The following DNAJC1 variants were observed in gnomAD, a reference collection of about 807,000 sequenced individuals.
DNAJC1 encodes dnaJ homolog subfamily C member 1.
A neutral mutation model predicts 76.6 loss-of-function variants in DNAJC1; 58 were observed. The observed-to-expected ratio is 0.76, with a 90% CI of 0.61 to 0.94. The LOEUF is 0.94. Ranked by LOEUF, DNAJC1 falls within the 40% of genes least tolerant of loss-of-function variation. The pLI is 0.00. For missense variants in DNAJC1, 689 were observed against 677.3 expected (o/e 1.02, Z -0.19); for synonymous variants, 258 against 267.9 (o/e 0.96, Z 0.36).
chr10:21,766,764 A>G (rs2131619064), intron 9 of DNAJC1, among the ~76,000 whole-genome samples: 1 of 152,238 alleles, frequency 6.6e-6, no homozygotes, highest in Non-Finnish European at 1.5e-5. Context: ...TGAGGTCAGG[A>G]GTTCAAGACC....
chr10:21,866,658 A>T (rs1836006495), intron 8 of DNAJC1, among the ~76,000 whole-genome samples: 1 of 152,152 alleles, frequency 6.6e-6, no homozygotes, highest in Non-Finnish European at 1.5e-5. Flanking sequence ...TAATCAAAGG[A>T]TTTAAAAACA....
chr10:21,873,856 T>C (rs900353352), intron 8 of DNAJC1, among the ~76,000 whole-genome samples: 2 of 152,186 alleles, frequency 1.3e-5, no homozygotes, highest in Admixed American at 1.3e-4. Context: ...CAATAATAAA[T>C]AATAAGAACA....
At chr10:21,850,483 C>T (rs188880858) in intron 8 of DNAJC1, among the ~76,000 whole-genome samples, 12 of 150,832 alleles carry the variant, frequency 8.0e-5, no homozygotes, top group African/African-American at 1.9e-4. Flanking sequence ...ATAAATGGAA[C>T]GACATCCCAT....
At chr10:21,779,885 T>TAC (rs1834504937) in intron 9 of DNAJC1, among the ~76,000 whole-genome samples, 1 of 152,130 alleles carries the variant, frequency 6.6e-6, no homozygotes, top group East Asian at 1.9e-4. Context: ...ATAACCAGTG[T>TAC]AGAGAAGACC....
Position 21,802,051 on chromosome 10 carries a change from A to G in DNAJC1, c.1098+3929T>C, listed in dbSNP as rs545595222. On this transcript the variant is annotated intron_variant, in intron 9 of 11. Coordinates refer to ENST00000376980, the MANE Select transcript of DNAJC1 (RefSeq NM_022365.4). ...GGGTAGTAGGCTTAATACCTGGGTG[A>G]TGAAATAATCTGTACAACCAGCCCC... 5.9e-5 allele frequency among the ~76,000 whole-genome samples: 9 copies of G among 152,294 alleles called. 1 individual carries two copies. The highest frequency in any genetic ancestry group is 2.2e-4 in the African/African-American group (9 of 41,586).
intron 8 of DNAJC1, among the ~76,000 whole-genome samples, chr10:21,867,031 C>T (rs559591212): frequency 6.6e-6 from 1 of 152,196 alleles, no homozygotes; most frequent in South Asian, 2.1e-4. Flanking sequence ...CCTAGAGGGA[C>T]ATTTATAGCC....
chr10:21,799,494 G>A (rs1205476141), intron 9 of DNAJC1, among the ~76,000 whole-genome samples: 1 of 152,074 alleles, frequency 6.6e-6, no homozygotes, highest in Non-Finnish European at 1.5e-5. Flanking sequence ...TAAAGATGAA[G>A]GTTTCCCTAT....
At chr10:21,813,292 G>A (rs1835019728) in intron 8 of DNAJC1, among the ~76,000 whole-genome samples, 1 of 146,202 alleles carries the variant, frequency 6.8e-6, no homozygotes, top group Admixed American at 6.9e-5. Context: ...TGTCTCTAGG[G>A]GAAGCCAACT....
chr10:21,962,459 C>CTTTTTTTTTTTTTT lies in DNAJC1; in HGVS notation c.223-33332_223-33319dup, dbSNP rs34817098. Among the ~76,000 whole-genome samples, 3 of 39,906 alleles carry CTTTTTTTTTTTTTT rather than the reference C, an allele frequency of 7.5e-5. 1 individual carries two copies. The highest frequency in any genetic ancestry group is 4.0e-5 in the Non-Finnish European group (1 of 24,868). The allele number at this position is 39,906 out of a possible 152,430, so 26.2% of individuals were successfully genotyped here. On this transcript the variant is annotated intron_variant, in intron 1 of 11. Transcript: ENST00000376980. Reference sequence around the variant, plus strand: ...GCAATTAAAACTTGCTATTTTATTGCTTTTTTTTTTTTTTTTTTTTTTTGA... The same window carrying CTTTTTTTTTTTTTT: ...GCAATTAAAACTTGCTATTTTATTGCTTTTTTTTTTTTTTTTTTTTTTTTTTTTTTTTTTTTTGA...
rs532070390 is a variant in DNAJC1, at chr10:21,775,235, T to C, written c.1099-8926A>G. On this transcript the variant is annotated intron_variant, in intron 9 of 11. Transcript: ENST00000376980. ...CAGCAAAGCACAGTCGATTTTCCAA[T>C]TCTGTGTGGTCCAATGATAATATTC... Among the ~76,000 whole-genome samples the C allele has an allele frequency of 2.0e-5, 3 of 151,730 alleles. No homozygotes were observed. The East Asian group carries it at 5.9e-4, about 30-fold the overall frequency.
At chr10:21,863,423 C>A (rs1339083045) in intron 8 of DNAJC1, among the ~76,000 whole-genome samples, 2 of 152,010 alleles carry the variant, frequency 1.3e-5, no homozygotes, top group Non-Finnish European at 2.9e-5. Flanking sequence ...TTCAAATGCA[C>A]AAACCATCAA....
Position 21,960,545 on chromosome 10 carries a change from C to T in DNAJC1, c.223-31404G>A, listed in dbSNP as rs541376629. ...TGGCCCACATAGTGAGACCTTGTCC[C>T]GACAAAAAAATTACAGATATTAGCC... On this transcript the variant is annotated intron_variant, in intron 1 of 11. Transcript: ENST00000376980. Among the ~76,000 whole-genome samples the T allele has an allele frequency of 2.0e-3, 300 of 152,050 alleles. 2 individuals carry two copies. Among genetic ancestry groups the T allele is most frequent in the Middle Eastern group, 0.01 (3 of 294 alleles).
At chr10:21,909,184 G>A (rs527857662) in intron 6 of DNAJC1, among the ~76,000 whole-genome samples, 52 of 152,242 alleles carry the variant, frequency 3.4e-4, no homozygotes, top group Admixed American at 1.4e-3. Context: ...CACCGCCCCT[G>A]GCCAATATTT....
intron 7 of DNAJC1, among the ~76,000 whole-genome samples, chr10:21,900,523 T>A (rs991294626): frequency 6.6e-6 from 1 of 152,190 alleles, no homozygotes; most frequent in Non-Finnish European, 1.5e-5. Flanking sequence ...GAATTGTAAA[T>A]TTATATTTGA....
At chr10:21,945,341 T>C (rs1837487337) in intron 1 of DNAJC1, among the ~76,000 whole-genome samples, 1 of 152,194 alleles carries the variant, frequency 6.6e-6, no homozygotes, top group Non-Finnish European at 1.5e-5. Flanking sequence ...TCAAGAAATT[T>C]GGCTGTTGAA....
chr10:21,870,854 A>G (rs1258135503), intron 8 of DNAJC1, among the ~76,000 whole-genome samples: 1 of 152,120 alleles, frequency 6.6e-6, no homozygotes, highest in Non-Finnish European at 1.5e-5. Context: ...ATTTTTGATC[A>G]GAACAGTAAC....
intron 6 of DNAJC1, among the ~76,000 whole-genome samples, chr10:21,909,140 G>A (rs1385606102): frequency 2.0e-5 from 3 of 152,110 alleles, no homozygotes; most frequent in Admixed American, 6.5e-5. Context: ...TGCCTGCTTC[G>A]GCCTCCCAAA....
intron 8 of DNAJC1, among the ~76,000 whole-genome samples, chr10:21,822,316 G>C (rs1835173327): frequency 6.6e-6 from 1 of 152,004 alleles, no homozygotes; most frequent in South Asian, 2.1e-4. Context: ...GTGCACACCT[G>C]TAATCCCAGC....
At chr10:21,816,393 T>C (rs1835075672) in intron 8 of DNAJC1, among the ~76,000 whole-genome samples, 1 of 151,698 alleles carries the variant, frequency 6.6e-6, no homozygotes, top group Non-Finnish European at 1.5e-5. Context: ...CCTTTTGGAT[T>C]GCCTTGACAC....
Sources: allele counts gnomAD v4.1 joint callset (sites outside exome capture counted in the v4.1 genomes callset), GRCh38; gene constraint gnomAD v4.1.1; transcripts MANE v1.5; gene names NCBI Gene and HGNC (gene_info 2026-07-23, HGNC 2026-07-21).